Variants in CPSF3 observed in about 807,000 individuals in gnomAD.
The protein encoded by CPSF3 is cleavage and polyadenylation specificity factor subunit 3.
A neutral mutation model predicts 84.1 loss-of-function variants in CPSF3; 57 were observed. The observed-to-expected ratio is 0.68, with a 90% CI of 0.55 to 0.85. The LOEUF is 0.85. CPSF3 is among the 40% of genes least tolerant of loss of function. The probability of loss-of-function intolerance (pLI) is 0.00; values close to 1 mark genes in which losing one functional copy is unlikely to be tolerated. For synonymous variants in CPSF3, 275 were observed against 278.1 expected (o/e 0.99, Z 0.11); for missense variants, 522 against 838.8 (o/e 0.62, Z 4.66).
At chr2:9,428,966 T>C (rs1414089440) in intron 2 of CPSF3, 138 bp downstream of exon 2, 1 of 574,408 alleles carries the variant, frequency 1.7e-6, no homozygotes, top group Admixed American at 3.3e-5. Context: ...ATAGTGTTAA[T>C]GAGAAAAACT....
chr2:9,457,147 ATGTGTGTGTGTGTGTGTGTGTG>A, intron 14 of CPSF3, 120 bp downstream of exon 14: 7 of 334,034 alleles, frequency 2.1e-5, no homozygotes, highest in East Asian at 1.2e-4. Flanking sequence ...TGGAAAGTAT[ATGTGTGTGTGTGTGTGTGTGTG>A]TGTGTGTGTG....
At position 9,464,978 on chromosome 2, in the gene CPSF3, C is replaced by T. The variant is rs890138845; in HGVS notation, c.1787-2729C>T. 5.3e-5 allele frequency among the ~76,000 whole-genome samples: 8 copies of T among 152,272 alleles called. No homozygotes were observed. In the South Asian group the frequency reaches 1.2e-3, roughly 24 times the overall value. The stretch of plus-strand genomic sequence containing the variant: ...CTGGGCTCAAGCAGTCTTCCCTTCT[C>T]AGCCTCCCAAAGTGCTGGGATTACA... On this transcript the variant is annotated intron_variant, in intron 15 of 17. Transcript: ENST00000238112.
intron 16 of CPSF3, among the ~76,000 whole-genome samples, chr2:9,468,339 G>A (rs761556316): frequency 3.3e-5 from 5 of 151,956 alleles, no homozygotes; most frequent in Admixed American, 6.6e-5. Flanking sequence ...CGAGCAATCC[G>A]CCTCAGCCTC....
chr2:9,430,129 G>A (rs1356641490), intron 3 of CPSF3, 109 bp downstream of exon 3: 2 of 643,444 alleles, frequency 3.1e-6, no homozygotes, highest in Non-Finnish European at 5.3e-6. Context: ...TTTCTGCTAG[G>A]AAGCATATTG....
Position 9,456,991 on chromosome 2 carries a change from T to A in CPSF3, c.1662T>A (p.Ile554=), listed in dbSNP as rs1185043094. 3.2e-5 allele frequency: 52 copies of A among 1,602,234 alleles called. 1 individual carries two copies. Among genetic ancestry groups the A allele is most frequent in the Non-Finnish European group, 4.4e-5 (52 of 1,173,354 alleles). ...EKPALKVFKN[I]TVIQEPGMVV... is the part of the protein sequence containing the mutation. ...CTGCTCTGAAAGTGTTCAAAAATAT[T>A]ACTGTAATACAAGAACCAGGCATGG... Residue 554 remains isoleucine (I), a synonymous_variant, in exon 14 of 18, where the codon ATT becomes ATA. Coordinates refer to ENST00000238112, the MANE Select transcript of CPSF3 (RefSeq NM_016207.4).
intron 15 of CPSF3, among the ~76,000 whole-genome samples, chr2:9,466,274 G>GCACA (rs58985899): frequency 3.8e-5 from 2 of 52,742 alleles, no homozygotes; most frequent in African/African-American, 8.1e-5. Flanking sequence ...AAAGACGCAC[G>GCACA]CACACACGTG....
rs59250489 is a variant in CPSF3, at chr2:9,465,542, T to TACAC, written c.1787-2146_1787-2143dup. Among the ~76,000 whole-genome samples, 198 of 149,856 alleles carry TACAC rather than the reference T, an allele frequency of 1.3e-3. 1 individual carries two copies. The highest frequency in any genetic ancestry group is 4.5e-3 in the African/African-American group (185 of 41,046). Reference sequence around the variant, plus strand: ...ATTTCTGGTATTTTCCCCCATATCATACACACACACACACACACACACGCG... The same window carrying TACAC: ...ATTTCTGGTATTTTCCCCCATATCATACACACACACACACACACACACACACGCG... On this transcript the variant is annotated intron_variant, in intron 15 of 17. Transcript: ENST00000238112.
intron 9 of CPSF3, among the ~76,000 whole-genome samples, chr2:9,443,033 C>T (rs939879927): frequency 2.0e-5 from 3 of 152,044 alleles, no homozygotes; most frequent in African/African-American, 4.8e-5. Flanking sequence ...TGTGGTGGCA[C>T]GTGCCTGTAG....
chr2:9,443,027 G>C (rs888320244), intron 9 of CPSF3, among the ~76,000 whole-genome samples: 1 of 152,166 alleles, frequency 6.6e-6, no homozygotes, highest in Admixed American at 6.5e-5. Flanking sequence ...GCCAGGTGTG[G>C]TGGCACGTGC....
At chr2:9,455,221 C>G (rs1423535760) in intron 12 of CPSF3, among the ~76,000 whole-genome samples, 1 of 151,494 alleles carries the variant, frequency 6.6e-6, no homozygotes, top group Non-Finnish European at 1.5e-5. Context: ...ACTTCTGCCT[C>G]TGCCTCCTGG....
intron 10 of CPSF3, among the ~76,000 whole-genome samples, chr2:9,445,057 G>A (rs918803835): frequency 2.0e-5 from 3 of 152,060 alleles, no homozygotes; most frequent in East Asian, 1.9e-4. Flanking sequence ...CAAACCAGTG[G>A]CATTAATTAT....
chr2:9,451,813 T>G (rs1184587032), intron 11 of CPSF3, among the ~76,000 whole-genome samples: 1 of 150,774 alleles, frequency 6.6e-6, no homozygotes, highest in East Asian at 2.0e-4. Context: ...GCCTCCCAGG[T>G]TCACGCCATT....
chr2:9,429,880 A>T, intron 2 of CPSF3, 43 bp from the exon 3 acceptor site: 1 of 1,334,310 alleles, frequency 7.5e-7, no homozygotes, highest in Non-Finnish European at 1.1e-6. Context: ...GAATTTTAAT[A>T]AAATGTGCAG....
intron 7 of CPSF3, among the ~76,000 whole-genome samples, chr2:9,437,138 T>C (rs1680812709): frequency 6.6e-6 from 1 of 152,068 alleles, no homozygotes; most frequent in Non-Finnish European, 1.5e-5. Context: ...ACGTGGTGGC[T>C]CACGCCTGTA....
intron 10 of CPSF3, among the ~76,000 whole-genome samples, chr2:9,445,098 T>C (rs1681086428): frequency 6.6e-6 from 1 of 152,190 alleles, no homozygotes; most frequent in Non-Finnish European, 1.5e-5. Context: ...ATCACCACTG[T>C]CTATTTTCAC....
intron 11 of CPSF3, among the ~76,000 whole-genome samples, chr2:9,450,941 T>G (rs1223841357): frequency 6.6e-6 from 1 of 151,892 alleles, no homozygotes; most frequent in Non-Finnish European, 1.5e-5. Flanking sequence ...TAGTTACTCC[T>G]GAGTCTTACT....
intron 10 of CPSF3, 106 bp downstream of exon 10, chr2:9,443,767 G>A (rs540809304): frequency 3.6e-5 from 43 of 1,203,946 alleles, no homozygotes; most frequent in South Asian, 2.2e-4. Flanking sequence ...CTACTAATGC[G>A]ACACCCCCTG....
intron 17 of CPSF3, 29 bp from the exon 18 acceptor site, chr2:9,472,887 T>C: frequency 7.4e-7 from 1 of 1,351,988 alleles, no homozygotes; most frequent in Non-Finnish European, 1.1e-6. Context: ...GACTTAATTC[T>C]AACAGTCTTG....
At chr2:9,461,494 C>T (rs184272791) in intron 15 of CPSF3, among the ~76,000 whole-genome samples, 9 of 151,944 alleles carry the variant, frequency 5.9e-5, no homozygotes, top group Non-Finnish European at 1.2e-4. Context: ...GAAACCCCAT[C>T]TTTTCTAAAA....
Sources: gnomAD v4.1 joint callset for allele counts (sites outside exome capture counted in the v4.1 genomes callset) on GRCh38, gnomAD v4.1.1 for gene constraint, MANE v1.5 for transcripts, NCBI Gene and HGNC (gene_info 2026-07-23, HGNC 2026-07-21) for gene names.